PRKCA: variants seen among roughly 807,000 people sequenced by gnomAD.
The protein encoded by PRKCA is protein kinase C alpha type.
In PRKCA, 27 loss-of-function variants were observed where a neutral mutation model predicts 87.0. The ratio of observed to expected loss-of-function variants is 0.31; its 90% confidence interval spans 0.23 to 0.43. PRKCA has a LOEUF of 0.43. Among genes scored for constraint, PRKCA ranks in the 20% least tolerant of loss-of-function variants. The probability of loss-of-function intolerance (pLI) is 1.00; values close to 1 mark genes in which losing one functional copy is unlikely to be tolerated. For missense variants in PRKCA, 518 were observed against 852.3 expected, an observed-to-expected ratio of 0.61 and a Z score of 4.88; for synonymous variants, 329 against 311.1, an observed-to-expected ratio of 1.06 and a Z score of -0.61.
At chr17:66,431,339 G>A (rs1047996457) in intron 2 of PRKCA, among the ~76,000 whole-genome samples, 8 of 152,102 alleles carry the variant, frequency 5.3e-5, no homozygotes, top group South Asian at 2.1e-4. Flanking sequence ...CAGCTGTGCC[G>A]GACAATAGTC....
chr17:66,380,579 T>A (rs1909722722), intron 2 of PRKCA, among the ~76,000 whole-genome samples: 1 of 152,240 alleles, frequency 6.6e-6, no homozygotes, highest in Non-Finnish European at 1.5e-5. Flanking sequence ...TAATGTTAAA[T>A]ACTGCTATAT....
intron 2 of PRKCA, among the ~76,000 whole-genome samples, chr17:66,447,527 G>A (rs1450172761): frequency 1.3e-5 from 2 of 152,218 alleles, no homozygotes; most frequent in Admixed American, 6.5e-5. Flanking sequence ...TCTTGCTAAA[G>A]TGCAGCTTAA....
intron 2 of PRKCA, among the ~76,000 whole-genome samples, chr17:66,364,989 T>C (rs1366884217): frequency 6.6e-6 from 1 of 152,142 alleles, no homozygotes; most frequent in African/African-American, 2.4e-5. Flanking sequence ...GTAGTTTCCA[T>C]TGTATGTGTT....
At chr17:66,635,916 G>A (rs1168468586) in intron 3 of PRKCA, among the ~76,000 whole-genome samples, 3 of 151,926 alleles carry the variant, frequency 2.0e-5, no homozygotes, top group African/African-American at 2.4e-5. Context: ...TACTATTTTT[G>A]CAAATTCTTG....
rs980181102 is a variant in PRKCA, at chr17:66,521,310, A to C, written c.288+25027A>C. 5.9e-5 allele frequency among the ~76,000 whole-genome samples: 9 copies of C among 152,346 alleles called. No homozygotes were observed. In the East Asian group the frequency reaches 9.6e-4, roughly 16 times the overall value. On this transcript the variant is annotated intron_variant, in intron 3 of 16. Coordinates refer to ENST00000413366, the MANE Select transcript of PRKCA (RefSeq NM_002737.3). ...TGTCATATTATAGTGATGGCGATCTATAGTGTAAAGTATAATGACCATAAA... is the reference window on the plus strand; with the variant it reads ...TGTCATATTATAGTGATGGCGATCTCTAGTGTAAAGTATAATGACCATAAA...
chr17:66,651,625 CATTTCTGTTCA>C (rs1345552347), intron 5 of PRKCA, among the ~76,000 whole-genome samples: 9 of 152,200 alleles, frequency 5.9e-5, no homozygotes, highest in Non-Finnish European at 2.9e-5. Context: ...AGTTGGAAGT[CATTTCTGTTCA>C]ATAAATCTTG....
intron 3 of PRKCA, among the ~76,000 whole-genome samples, chr17:66,508,482 C>T (rs886881113): frequency 2.0e-5 from 3 of 152,162 alleles, no homozygotes; most frequent in Non-Finnish European, 4.4e-5. Flanking sequence ...ATGCCACCCA[C>T]GTACATCACT....
At chr17:66,452,019 C>T (rs1273009433) in intron 2 of PRKCA, among the ~76,000 whole-genome samples, 2 of 152,214 alleles carry the variant, frequency 1.3e-5, no homozygotes, top group African/African-American at 2.4e-5. Context: ...TCTACCACAG[C>T]CTCCAGCAGA....
chr17:66,679,803 G>A (rs1296010883), intron 5 of PRKCA, among the ~76,000 whole-genome samples: 1 of 152,200 alleles, frequency 6.6e-6, no homozygotes, highest in Non-Finnish European at 1.5e-5. Context: ...ACATCAGCAA[G>A]CGAAAGTGGA....
intron 8 of PRKCA, among the ~76,000 whole-genome samples, chr17:66,719,859 G>T (rs1019359970): frequency 6.6e-6 from 1 of 152,168 alleles, no homozygotes; most frequent in Non-Finnish European, 1.5e-5. Context: ...AAATGAGCAG[G>T]TATACTTTTA....
At chr17:66,456,131 G>C (rs1429769347) in intron 2 of PRKCA, among the ~76,000 whole-genome samples, 3 of 151,898 alleles carry the variant, frequency 2.0e-5, no homozygotes, top group African/African-American at 4.8e-5. Context: ...GGAGCCACCA[G>C]GAACTAGGAG....
intron 8 of PRKCA, among the ~76,000 whole-genome samples, chr17:66,719,532 C>T (rs772091759): frequency 3.3e-5 from 5 of 152,174 alleles, no homozygotes; most frequent in African/African-American, 9.6e-5. Flanking sequence ...GCACTTTGGC[C>T]GAGGTGGGTG....
chr17:66,722,843 G>C (rs1478415684), intron 8 of PRKCA, among the ~76,000 whole-genome samples: 1 of 152,184 alleles, frequency 6.6e-6, no homozygotes, highest in East Asian at 1.9e-4. Context: ...TTGAAAAAAA[G>C]AGCATGCTAC....
At chr17:66,773,617 G>A (rs1857566278) in intron 13 of PRKCA, among the ~76,000 whole-genome samples, 1 of 151,188 alleles carries the variant, frequency 6.6e-6, no homozygotes, top group Admixed American at 6.6e-5. Flanking sequence ...GCCTCCCAAA[G>A]TGCTGGGATT....
At chr17:66,391,824 T>G (rs774204809) in intron 2 of PRKCA, among the ~76,000 whole-genome samples, 271 of 152,266 alleles carry the variant, frequency 1.8e-3, no homozygotes, top group Non-Finnish European at 2.6e-3. Flanking sequence ...CTCCCTCCCC[T>G]GTGTGCACAC....
chr17:66,639,818 G>A (rs532234391), intron 3 of PRKCA, among the ~76,000 whole-genome samples: 28 of 152,198 alleles, frequency 1.8e-4, no homozygotes, highest in Admixed American at 1.5e-3. Flanking sequence ...ATAACATGGT[G>A]AAACCCCATC....
At chr17:66,781,416 C>G (rs943508911) in intron 14 of PRKCA, among the ~76,000 whole-genome samples, 2 of 152,266 alleles carry the variant, frequency 1.3e-5, no homozygotes, top group South Asian at 2.1e-4. Context: ...CGAATGCAAC[C>G]AGCAGAGGCC....
intron 1 of PRKCA, 33 bp downstream of exon 1, chr17:66,303,057 C>T (rs754992641): frequency 6.9e-6 from 11 of 1,583,480 alleles, no homozygotes; most frequent in Non-Finnish European, 8.6e-6. Flanking sequence ...CTGCCCCGCT[C>T]CTCCCCGCCT....
chr17:66,704,335 A>G (rs781051621), intron 8 of PRKCA, among the ~76,000 whole-genome samples: 5 of 152,224 alleles, frequency 3.3e-5, no homozygotes, highest in Non-Finnish European at 7.3e-5. Flanking sequence ...TTTAATTTGT[A>G]TCTTTATTAT....
Sources: gnomAD v4.1 joint callset for allele counts (sites outside exome capture counted in the v4.1 genomes callset) on GRCh38, gnomAD v4.1.1 for gene constraint, MANE v1.5 for transcripts, NCBI Gene and HGNC (gene_info 2026-07-23, HGNC 2026-07-21) for gene names.